PARP2: variants seen among roughly 807,000 people sequenced by gnomAD.
The protein encoded by PARP2 is poly(ADP-ribose) polymerase 2.
PARP2 carries 57 observed loss-of-function variants against 77.8 expected under a neutral mutation model. The ratio of observed to expected loss-of-function variants is 0.73; its 90% CI spans 0.59 to 0.91. PARP2 has a LOEUF of 0.91. PARP2 is among the 40% of genes least tolerant of loss of function. The probability of loss-of-function intolerance (pLI) is 0.00; values close to 1 mark genes in which losing one functional copy is unlikely to be tolerated. For missense variants in PARP2, 651 were observed against 689.0 expected (o/e 0.94, Z 0.62); for synonymous variants, 226 against 242.6 (o/e 0.93, Z 0.64).
At chr14:20,353,803 C>CT (rs980148689) in intron 7 of PARP2, among the ~76,000 whole-genome samples, 4 of 151,856 alleles carry the variant, frequency 2.6e-5, no homozygotes, top group Non-Finnish European at 5.9e-5. Context: ...TGAGGAAAGC[C>CT]TTTTTTTTCT....
chr14:20,349,456 G>A (rs1006679382), intron 4 of PARP2, among the ~76,000 whole-genome samples: 1 of 152,168 alleles, frequency 6.6e-6, no homozygotes, highest in Non-Finnish European at 1.5e-5. Context: ...GATCACTTGA[G>A]TTAGGGGTTC....
At chr14:20,345,830 A>G (rs969653974) in intron 3 of PARP2, among the ~76,000 whole-genome samples, 4 of 152,126 alleles carry the variant, frequency 2.6e-5, no homozygotes, top group African/African-American at 9.7e-5. Context: ...TAGGCACGTC[A>G]CATGGCAAAA....
rs141770147 is a variant in PARP2 at position 20,349,564 on chromosome 14, T to C, written c.325-962T>C. ...GGCGTGTGCCTGTAATCCCAGCTAC[T>C]AGGGAGGCTGAGGCACAAGAAATTG... On this transcript the variant is annotated intron_variant, in intron 4 of 15. Transcript: ENST00000429687. 1.1e-4 allele frequency among the ~76,000 whole-genome samples: 17 copies of C among 151,910 alleles called. No homozygotes were observed. In the East Asian group the frequency reaches 2.9e-3, roughly 26 times the overall value.
At chr14:20,346,627 C>T (rs1467065140) in intron 3 of PARP2, 6 of 397,324 alleles carry the variant, frequency 1.5e-5, no homozygotes, top group South Asian at 4.2e-5. Flanking sequence ...AGCCACCATG[C>T]GCAGCCTAAC....
At position 20,350,616 on chromosome 14, in the gene PARP2, G is replaced by A. The variant is rs773400512; in HGVS notation, c.415G>A (p.Gly139Ser). Residue 139 changes from glycine to serine, a missense_variant, in exon 5 of 16, where the codon GGC (glycine) becomes AGC (serine). By Grantham distance (56) the Gly-to-Ser change is moderately conservative (BLOSUM62 0). Coordinates refer to ENST00000429687, the MANE Select transcript of PARP2 (RefSeq NM_001042618.2). Reference sequence around the variant, plus strand: ...GAACTTCAGTGTTTGGATGAGATGGGGCCGAGGTAATGATTTTTATTGAGA... The same window carrying A: ...GAACTTCAGTGTTTGGATGAGATGGAGCCGAGGTAATGATTTTTATTGAGA... The part of the protein sequence containing the change: ...QRNFSVWMRW[G>S]RVGKMGQHSL... The A allele has an allele frequency of 2.0e-5, 32 of 1,590,762 alleles. No individual in the cohort carries two copies. The highest frequency in any genetic ancestry group is 2.6e-5 in the Non-Finnish European group (30 of 1,158,908).
chr14:20,351,125 G>A lies in PARP2; in HGVS notation c.497+3G>A. 1 of 1,610,980 alleles carries A rather than the reference G, an allele frequency of 6.2e-7. No homozygotes were observed. The highest frequency in any genetic ancestry group is 1.3e-5 in the African/African-American group (1 of 74,974). ...GCCAAGGAAATCTTTCAGAAGAAGT[G>A]AGTGCTGAAAAGTGACTACAAAAAA... On this transcript the variant is annotated splice_donor_region_variant and intron_variant, in intron 6 of 15. Transcript: ENST00000429687.
At chr14:20,352,436 G>C in intron 7 of PARP2, 89 bp downstream of exon 7, 1 of 759,634 alleles carries the variant, frequency 1.3e-6, no homozygotes, top group Non-Finnish European at 2.2e-6. Context: ...TGCCCAGGCT[G>C]GGTGGCACAA....
intron 4 of PARP2, among the ~76,000 whole-genome samples, chr14:20,347,381 T>TATAC (rs1883790695): frequency 1.0e-4 from 2 of 19,466 alleles, no homozygotes; most frequent in Non-Finnish European, 2.3e-4. Context: ...TATATATATA[T>TATAC]ATATATATAT....
intron 6 of PARP2, among the ~76,000 whole-genome samples, chr14:20,351,488 A>G (rs1883953551): frequency 2.0e-5 from 3 of 152,160 alleles, no homozygotes; most frequent in Admixed American, 2.0e-4. Context: ...TTCTCTAAGA[A>G]TTTTATAAGT....
At chr14:20,354,345 A>G in intron 8 of PARP2, 98 bp downstream of exon 8, 3 of 1,020,740 alleles carry the variant, frequency 2.9e-6, no homozygotes, top group Non-Finnish European at 4.4e-6. Flanking sequence ...TGCTCATAGT[A>G]CTGAATGAAG....
intron 2 of PARP2, 138 bp from the exon 3 acceptor site, chr14:20,345,256 C>T (rs1883671280): frequency 2.0e-6 from 2 of 1,021,608 alleles, no homozygotes; most frequent in Non-Finnish European, 1.5e-6. Flanking sequence ...TCTTCATTTT[C>T]ATGTATTTGA....
intron 7 of PARP2, 99 bp downstream of exon 7, chr14:20,352,446 A>G (rs1883991789): frequency 5.9e-6 from 4 of 677,354 alleles, no homozygotes; most frequent in South Asian, 4.0e-5. Context: ...GGGTGGCACA[A>G]TCATGGCTCA....
chr14:20,355,556 A>G, intron 9 of PARP2, 196 bp from the exon 10 acceptor site: 1 of 431,160 alleles, frequency 2.3e-6, no homozygotes, highest in South Asian at 4.1e-5. Context: ...AGTTCATCTT[A>G]TACCGAGTAT....
chr14:20,347,356 G>GTGTA (rs1168423656), intron 4 of PARP2, among the ~76,000 whole-genome samples: 51 of 29,570 alleles, frequency 1.7e-3, no homozygotes, highest in African/African-American at 2.0e-3. Context: ...ATGTGTGTGT[G>GTGTA]TATATATATA....
In PARP2 at chr14:20,356,576, T is replaced by TAA. The variant is rs756321794; in HGVS notation, c.1230-14_1230-13insAA. 5.5e-5 allele frequency: 89 copies of TAA among 1,611,292 alleles called. No individual in the cohort carries two copies. The South Asian group carries it at 9.0e-4, about 16-fold the overall frequency. Reference sequence around the variant, plus strand: ...GCAGAACAACAGAGTACAATAATATTGGCTTTTCCTTAGGATGCTTCTATG... The same window carrying TAA: ...GCAGAACAACAGAGTACAATAATATTAAGGCTTTTCCTTAGGATGCTTCTATG... On this transcript the variant is annotated splice_polypyrimidine_tract_variant and intron_variant, in intron 12 of 15. Coordinates refer to ENST00000429687, the MANE Select transcript of PARP2 (RefSeq NM_001042618.2).
rs1349137699 is a variant in PARP2 at position 20,357,140 on chromosome 14, C to T, written c.1419C>T (p.Leu473=). ...GCCTAAAGAATACAGGACTGCTGCTCTTATCAGAGGTGAGACAGGAGTATG... is the reference window on the plus strand; with the variant it reads ...GCCTAAAGAATACAGGACTGCTGCTTTTATCAGAGGTGAGACAGGAGTATG... ...ASRLKNTGLL[L]LSEVALGQCN... is the part of the protein sequence containing the mutation. Residue 473 remains leucine, a synonymous_variant, in exon 14 of 16, where the codon CTC becomes CTT. Transcript: ENST00000429687. The T allele has an allele frequency of 1.2e-6, 2 of 1,600,166 alleles. No homozygotes were observed.
rs1883768191 is a variant in PARP2 at position 20,347,350 on chromosome 14, GTGTGTGTATA to G, written c.324+439_324+448del. On this transcript the variant is annotated intron_variant, in intron 4 of 15. Coordinates refer to ENST00000429687, the MANE Select transcript of PARP2 (RefSeq NM_001042618.2). ...GCCTTGCCTAAAGTCCTTCATATGT[GTGTGTGTATA>G]TATATATATATATATATATATATAT... 3.7e-4 allele frequency among the ~76,000 whole-genome samples: 18 copies of G among 48,980 alleles called. 1 individual carries two copies. The highest frequency in any genetic ancestry group is 2.3e-3 in the African/African-American group (17 of 7,332). 32.1% of individuals were successfully genotyped at this position (48,980 alleles called of 152,430 possible).
intron 3 of PARP2, 66 bp downstream of exon 3, chr14:20,345,530 C>T (rs1883686217): frequency 8.4e-7 from 1 of 1,195,496 alleles, no homozygotes; most frequent in Admixed American, 1.9e-5. Context: ...GTTATAAGGA[C>T]TCCTGTCTGG....
rs767761676 is a variant in PARP2, at chr14:20,357,619, C to CT, written c.1554-12dup. 6.2e-7 allele frequency: 1 copy of CT among 1,609,308 alleles called. No individual in the cohort carries two copies. The highest frequency in any genetic ancestry group is 8.5e-7 in the Non-Finnish European group (1 of 1,178,294). Reference sequence around the variant, plus strand: ...TGAACCAGAGACTGATGTTGACACACTTTTTTTCCATTTGGCAGGAATGGG... The same window carrying CT: ...TGAACCAGAGACTGATGTTGACACACTTTTTTTTCCATTTGGCAGGAATGGG... On this transcript the variant is annotated intron_variant, in intron 15 of 15. Coordinates refer to ENST00000429687, the MANE Select transcript of PARP2 (RefSeq NM_001042618.2).
Sources: gnomAD v4.1 joint callset for allele counts (sites outside exome capture counted in the v4.1 genomes callset) on GRCh38, gnomAD v4.1.1 for gene constraint, MANE v1.5 for transcripts, NCBI Gene and HGNC (gene_info 2026-07-23, HGNC 2026-07-21) for gene names.